The following GABRG3 variants were observed in gnomAD, a reference collection of about 807,000 sequenced individuals.
The protein encoded by GABRG3 is gamma-aminobutyric acid receptor subunit gamma-3.
In GABRG3, 25 loss-of-function variants were observed where a neutral mutation model predicts 48.8. The ratio of observed to expected loss-of-function variants is 0.51; its 90% confidence interval spans 0.37 to 0.72. The LOEUF (loss-of-function observed/expected upper bound fraction) is 0.72. Among genes scored for constraint, GABRG3 ranks in the 30% least tolerant of loss-of-function variants. The pLI is 0.00. For synonymous variants in GABRG3, 227 were observed against 217.6 expected, an observed-to-expected ratio of 1.04 and a Z score of -0.38; for missense variants, 394 against 577.9, an observed-to-expected ratio of 0.68 and a Z score of 3.26.
chr15:27,363,813 A>G (rs1327123509), intron 5 of GABRG3: 2 of 152,210 alleles, frequency 1.3e-5, no homozygotes, highest in Non-Finnish European at 2.9e-5. Flanking sequence ...GCTCTGATAG[A>G]CTTACATTGC....
chr15:27,117,827 T>G (rs1897668465), intron 3 of GABRG3, among the ~76,000 whole-genome samples: 1 of 152,196 alleles, frequency 6.6e-6, no homozygotes, highest in Non-Finnish European at 1.5e-5. Flanking sequence ...CTAAGCCCAG[T>G]GAATGTGCTT....
chr15:27,294,720 C>T (rs1891920232), intron 3 of GABRG3: 1 of 152,100 alleles, frequency 6.6e-6, no homozygotes, highest in South Asian at 2.1e-4. Context: ...TCTTAACACG[C>T]CCTCAGGTCA....
At chr15:27,103,381 A>C (rs4887536) in intron 3 of GABRG3, among the ~76,000 whole-genome samples, 77,998 of 151,878 alleles carry the variant, frequency 0.51, 20,812 homozygotes, top group African/African-American at 0.66. Flanking sequence ...GAACCACAGA[A>C]CCCTGAGTAT....
In GABRG3 at chr15:27,031,158, A is replaced by G. The variant is rs980184319; in HGVS notation, c.270+4337A>G. ...TGTATTTGTTACAATGAATGAATGC[A>G]CCTTAATCCATCTTTATCATGCAAA... On this transcript the variant is annotated intron_variant, in intron 3 of 9. Transcript: ENST00000615808. Among the ~76,000 whole-genome samples, 4 of 152,234 alleles carry G rather than the reference A, an allele frequency of 2.6e-5. No individual in the cohort carries two copies. In the East Asian group the frequency reaches 7.7e-4, roughly 29 times the overall value.
In GABRG3 at chr15:26,977,064, C is replaced by T. The variant is rs1456666700; in HGVS notation, c.116C>T (p.Ala39Val). The change falls in exon 2 of 10, where the codon GCT (alanine) becomes GTT (valine). Residue 39 changes from alanine to valine, a missense_variant. Transcript: ENST00000615808. Reference protein sequence around the residue: ...DSSSNQKWVLAPKSQDTDVTL... With the variant: ...DSSSNQKWVLVPKSQDTDVTL... ...TCATCAAACCAAAAGTGGGTCTTGG[C>T]TCCAAAATCCCAAGACACCGACGTG... 9 of 1,613,736 alleles carry T rather than the reference C, an allele frequency of 5.6e-6. No homozygotes were observed. Among genetic ancestry groups the T allele is most frequent in the East Asian group, 2.2e-5 (1 of 44,878 alleles).
chr15:27,040,639 T>C (rs1896259833), intron 3 of GABRG3, among the ~76,000 whole-genome samples: 1 of 152,234 alleles, frequency 6.6e-6, no homozygotes, highest in South Asian at 2.1e-4. Context: ...TCCTCTCTCA[T>C]AATACAGCAG....
At chr15:27,320,475 G>A (rs73363161) in intron 3 of GABRG3, among the ~76,000 whole-genome samples, 4,040 of 152,248 alleles carry the variant, frequency 0.027, 144 homozygotes, top group African/African-American at 0.079. Flanking sequence ...CTTTACACGA[G>A]AGAAACCTGA....
intron 5 of GABRG3, among the ~76,000 whole-genome samples, chr15:27,334,762 A>G (rs1893909369): frequency 6.6e-6 from 1 of 152,236 alleles, no homozygotes; most frequent in African/African-American, 2.4e-5. Context: ...GAGGCCCTAA[A>G]GTCAACATAA....
chr15:27,362,772 A>G (rs1325816569), intron 5 of GABRG3: 1 of 152,160 alleles, frequency 6.6e-6, no homozygotes, highest in Non-Finnish European at 1.5e-5. Context: ...ATGGCTTCTA[A>G]CCGTCTAGGG....
At chr15:27,445,225 A>G (rs1427363060) in intron 5 of GABRG3, among the ~76,000 whole-genome samples, 1 of 152,174 alleles carries the variant, frequency 6.6e-6, no homozygotes, top group Non-Finnish European at 1.5e-5. Flanking sequence ...CTAGAAGTGA[A>G]ACTGCTGGGT....
chr15:27,503,518 T>TC (rs1251246868), intron 6 of GABRG3, among the ~76,000 whole-genome samples: 4 of 152,152 alleles, frequency 2.6e-5, no homozygotes, highest in Non-Finnish European at 5.9e-5. Context: ...GGCTTTTTTT[T>TC]CCCTTTTTTT....
intron 3 of GABRG3, among the ~76,000 whole-genome samples, chr15:27,320,497 C>T (rs1468901398): frequency 6.6e-6 from 1 of 152,204 alleles, no homozygotes; most frequent in Non-Finnish European, 1.5e-5. Flanking sequence ...GCTTTTTCCA[C>T]ACTGCAGAAT....
chr15:27,306,509 A>G (rs1356371213), intron 3 of GABRG3, among the ~76,000 whole-genome samples: 1 of 138,978 alleles, frequency 7.2e-6, no homozygotes, highest in Non-Finnish European at 1.5e-5. Context: ...ATATGTCTAT[A>G]TATAAACATA....
chr15:27,141,151 A>G (rs1898095784), intron 3 of GABRG3, among the ~76,000 whole-genome samples: 1 of 152,182 alleles, frequency 6.6e-6, no homozygotes, highest in African/African-American at 2.4e-5. Context: ...GTGGGAGAAT[A>G]GATTATTATT....
At chr15:27,434,316 TA>T (rs550035367) in intron 5 of GABRG3, among the ~76,000 whole-genome samples, 269 of 152,292 alleles carry the variant, frequency 1.8e-3, no homozygotes, top group African/African-American at 6.2e-3. Context: ...AATAAAATTC[TA>T]AAAAATAACT....
At chr15:27,110,436 T>C (rs1027658851) in intron 3 of GABRG3, among the ~76,000 whole-genome samples, 4 of 152,138 alleles carry the variant, frequency 2.6e-5, no homozygotes, top group African/African-American at 9.7e-5. Flanking sequence ...AAAGATTTTT[T>C]TATTTTACCT....
At chr15:27,308,164 A>ATGTT (rs1491272624) in intron 3 of GABRG3, among the ~76,000 whole-genome samples, 41 of 7,828 alleles carry the variant, frequency 5.2e-3, no homozygotes, top group Admixed American at 9.7e-3. Flanking sequence ...ATATATAAAC[A>ATGTT]TATATGTTTA....
intron 3 of GABRG3, among the ~76,000 whole-genome samples, chr15:27,274,424 A>G (rs1891186631): frequency 6.6e-6 from 1 of 152,116 alleles, no homozygotes; most frequent in African/African-American, 2.4e-5. Flanking sequence ...AGGGAAGGTC[A>G]AAGGGGAAGT....
intron 3 of GABRG3, among the ~76,000 whole-genome samples, chr15:27,066,831 G>A (rs1896745684): frequency 6.6e-6 from 1 of 152,168 alleles, no homozygotes; most frequent in Non-Finnish European, 1.5e-5. Context: ...AGTTCTAGGA[G>A]TGAAGAAATT....
Sources: allele counts gnomAD v4.1 joint callset (sites outside exome capture counted in the v4.1 genomes callset), GRCh38; gene constraint gnomAD v4.1.1; transcripts MANE v1.5; gene names NCBI Gene and HGNC (gene_info 2026-07-23, HGNC 2026-07-21).